Variants in MAD1L1 observed in about 807,000 individuals in gnomAD.
The protein encoded by MAD1L1 is mitotic arrest deficient 1 like 1.
In MAD1L1, 95 loss-of-function variants were observed where a neutral mutation model predicts 96.9. The ratio of observed to expected loss-of-function variants is 0.98; its 90% CI spans 0.83 to 1.16. MAD1L1 has a LOEUF of 1.16. Among genes scored for constraint, MAD1L1 ranks in the 50% most tolerant of loss-of-function variants. MAD1L1 has a pLI of 0.00. For synonymous variants in MAD1L1, 473 were observed against 396.6 expected, an observed-to-expected ratio of 1.19 and a Z score of -2.29; for missense variants, 1,007 against 954.4, an observed-to-expected ratio of 1.06 and a Z score of -0.73.
chr7:2,197,076 C>A (rs893192440), intron 10 of MAD1L1, among the ~76,000 whole-genome samples: 4 of 152,228 alleles, frequency 2.6e-5, no homozygotes, highest in African/African-American at 4.8e-5. Context: ...CTGCAGGACG[C>A]GGTCCAAACC....
At chr7:1,935,357 G>A (rs931135719) in intron 17 of MAD1L1, among the ~76,000 whole-genome samples, 6 of 152,204 alleles carry the variant, frequency 3.9e-5, no homozygotes, top group South Asian at 2.1e-4. Context: ...AGGAGCCCCC[G>A]ACTGCCATCA....
intron 11 of MAD1L1, among the ~76,000 whole-genome samples, chr7:2,111,105 G>C (rs1005606091): frequency 6.6e-6 from 1 of 152,176 alleles, no homozygotes; most frequent in South Asian, 2.1e-4. Context: ...GTCCTCCGAC[G>C]AAAAGTAAAT....
intron 12 of MAD1L1, among the ~76,000 whole-genome samples, chr7:2,015,766 A>C (rs1782512070): frequency 6.6e-6 from 1 of 152,166 alleles, no homozygotes; most frequent in Non-Finnish European, 1.5e-5. Flanking sequence ...CCAGACACCC[A>C]CCCAGGTGTG....
In MAD1L1 at chr7:2,133,034, A is replaced by G. The variant is rs767682620; in HGVS notation, c.1073+16118T>C. Among the ~76,000 whole-genome samples the G allele has an allele frequency of 2.0e-4, 30 of 152,368 alleles. 1 individual carries two copies. The highest frequency in any genetic ancestry group is 1.6e-4 in the Non-Finnish European group (11 of 68,032). ...GTCTGCTTTGGTGAGGCGCCTGTTC[A>G]GAGCTCACCCATTTTCAATGCTGAG... On this transcript the variant is annotated intron_variant, in intron 11 of 18. Transcript: ENST00000265854.
At chr7:2,149,081 C>G in intron 11 of MAD1L1, 71 bp downstream of exon 11, 1 of 1,375,764 alleles carries the variant, frequency 7.3e-7, no homozygotes. Context: ...CCAGGGGGCA[C>G]ACACTCTCAC....
At chr7:2,023,701 C>T (rs911866336) in intron 12 of MAD1L1, among the ~76,000 whole-genome samples, 2 of 152,212 alleles carry the variant, frequency 1.3e-5, no homozygotes, top group African/African-American at 4.8e-5. Flanking sequence ...GTTATCCCAG[C>T]ACTTTGGGAG....
At chr7:1,875,504 C>A (rs1785338915) in intron 18 of MAD1L1, among the ~76,000 whole-genome samples, 1 of 152,176 alleles carries the variant, frequency 6.6e-6, no homozygotes, top group South Asian at 2.1e-4. Flanking sequence ...TCACTAACTC[C>A]CCTGCTGGCA....
At chr7:1,916,939 C>A (rs1426971118) in intron 17 of MAD1L1, among the ~76,000 whole-genome samples, 1 of 152,182 alleles carries the variant, frequency 6.6e-6, no homozygotes, top group Non-Finnish European at 1.5e-5. Flanking sequence ...ATCTCCCATG[C>A]CAACGAGAAC....
At chr7:2,051,084 G>A (rs1486956519) in intron 12 of MAD1L1, among the ~76,000 whole-genome samples, 3 of 152,230 alleles carry the variant, frequency 2.0e-5, no homozygotes, top group Non-Finnish European at 4.4e-5. Flanking sequence ...CAGGATAGGG[G>A]ATTTTAAAGC....
chr7:1,924,913 C>T (rs573193097), intron 17 of MAD1L1, among the ~76,000 whole-genome samples: 7 of 152,014 alleles, frequency 4.6e-5, no homozygotes, highest in African/African-American at 1.7e-4. Context: ...AAATGTTAAG[C>T]TTGCACATTG....
At chr7:1,828,737 GCACA>G in intron 18 of MAD1L1, among the ~76,000 whole-genome samples, 1 of 152,088 alleles carries the variant, frequency 6.6e-6, no homozygotes. Flanking sequence ...ACGCACACAT[GCACA>G]CACAGCCTCG....
At chr7:1,887,400 G>A (rs1015992939) in intron 18 of MAD1L1, among the ~76,000 whole-genome samples, 21 of 122,514 alleles carry the variant, frequency 1.7e-4, no homozygotes, top group African/African-American at 7.2e-4. Context: ...CATGTATGTG[G>A]CTGCCTGTGC....
chr7:2,161,890 G>A lies in MAD1L1; in HGVS notation c.987-12652C>T, dbSNP rs1023910430. The stretch of plus-strand genomic sequence containing the variant: ...CCAGCAGCCGCCCTGTCCGGGAGGT[G>A]GGGGGCAGCCCCCGCCCGCCAGCCA... On this transcript the variant is annotated intron_variant, in intron 10 of 18. Transcript: ENST00000265854. Among the ~76,000 whole-genome samples the A allele has an allele frequency of 3.6e-4, 53 of 147,536 alleles. 1 individual carries two copies. Among genetic ancestry groups the A allele is most frequent in the African/African-American group, 1.3e-3 (52 of 40,580 alleles).
At chr7:1,894,014 T>A (rs563643472) in intron 18 of MAD1L1, among the ~76,000 whole-genome samples, 4 of 152,336 alleles carry the variant, frequency 2.6e-5, no homozygotes, top group South Asian at 2.1e-4. Context: ...TCTGTCTGTC[T>A]GGCAGAGCCC....
chr7:2,130,831 T>C lies in MAD1L1; in HGVS notation c.1073+18321A>G, dbSNP rs555549304. 1.5e-4 allele frequency among the ~76,000 whole-genome samples: 23 copies of C among 152,340 alleles called. No homozygotes were observed. The South Asian group carries it at 4.8e-3, about 32-fold the overall frequency. ...AGACCAGATGGCACAAGATGCCTGC[T>C]ACATCTTCAGTGCGAATGCCAAATC... On this transcript the variant is annotated intron_variant, in intron 11 of 18. Transcript: ENST00000265854.
chr7:2,154,607 T>C (rs1467870338), intron 10 of MAD1L1, among the ~76,000 whole-genome samples: 1 of 152,008 alleles, frequency 6.6e-6, no homozygotes, highest in Non-Finnish European at 1.5e-5. Flanking sequence ...TCCATAAATA[T>C]GTAAAATATT....
chr7:1,891,097 C>A (rs546493187), intron 18 of MAD1L1, among the ~76,000 whole-genome samples: 1 of 152,182 alleles, frequency 6.6e-6, no homozygotes, highest in South Asian at 2.1e-4. Context: ...AAAGGGTGCA[C>A]AGAAGCGACA....
Position 2,213,276 on chromosome 7 carries a change from GA to G in MAD1L1, c.925-4del. On this transcript the variant is annotated splice_region_variant and splice_polypyrimidine_tract_variant and intron_variant, in intron 9 of 18. Transcript: ENST00000265854. ...CTTTGCAGCTTGGCCAGCAGCCTCT[GA>G]AAAGACAACAAAAGCACAGACCCTG... 2 of 1,614,048 alleles carry G rather than the reference GA, an allele frequency of 1.2e-6. No homozygotes were observed. Among genetic ancestry groups the G allele is most frequent in the Non-Finnish European group, 1.7e-6 (2 of 1,179,982 alleles).
intron 1 of MAD1L1, among the ~76,000 whole-genome samples, chr7:2,232,117 G>A (rs1033642353): frequency 6.6e-5 from 10 of 152,290 alleles, no homozygotes; most frequent in Middle Eastern, 3.4e-3. Context: ...CCCCAACACC[G>A]GCGCTTACTA....
Sources: allele counts gnomAD v4.1 joint callset (sites outside exome capture counted in the v4.1 genomes callset), GRCh38; gene constraint gnomAD v4.1.1; transcripts MANE v1.5; gene names NCBI Gene and HGNC (gene_info 2026-07-23, HGNC 2026-07-21).